The following ROBO1 variants were observed in gnomAD, a reference collection of about 807,000 sequenced individuals.
ROBO1 encodes roundabout homolog 1.
A neutral mutation model predicts 195.9 loss-of-function variants in ROBO1; 149 were observed. The observed-to-expected ratio is 0.76, with a 90% CI of 0.67 to 0.87. ROBO1 has a LOEUF of 0.87. ROBO1 is among the 40% of genes least tolerant of loss of function. The pLI is 0.00. For synonymous variants in ROBO1, 816 were observed against 733.2 expected, an observed-to-expected ratio of 1.11 and a Z score of -1.82; for missense variants, 1,933 against 2,068.3, an observed-to-expected ratio of 0.93 and a Z score of 1.27.
chr3:79,477,584 A>C (rs774224111), intron 2 of ROBO1, among the ~76,000 whole-genome samples: 2 of 152,202 alleles, frequency 1.3e-5, no homozygotes, highest in Non-Finnish European at 2.9e-5. Context: ...CAAGTGGGAA[A>C]GTGCACAAAG....
At chr3:79,700,476 T>C (rs1020132593) in intron 1 of ROBO1, among the ~76,000 whole-genome samples, 3 of 151,852 alleles carry the variant, frequency 2.0e-5, no homozygotes, top group Non-Finnish European at 4.4e-5. Context: ...GCTGAACTAA[T>C]AATTTACATT....
chr3:79,370,911 CCACTTATGAGTGAGAA>C (rs1432526354), intron 2 of ROBO1, among the ~76,000 whole-genome samples: 1 of 151,906 alleles, frequency 6.6e-6, no homozygotes, highest in Non-Finnish European at 1.5e-5. Flanking sequence ...TGTTCAACTC[CCACTTATGAGTGAGAA>C]CATGTGGTGT....
intron 2 of ROBO1, among the ~76,000 whole-genome samples, chr3:79,348,210 C>CAAA (rs71127380): frequency 6.9e-5 from 5 of 72,924 alleles, no homozygotes; most frequent in African/African-American, 1.9e-4. Context: ...GACTCCATCT[C>CAAA]AAAAAAAAAA....
chr3:79,046,894 A>G (rs6548609), intron 3 of ROBO1, among the ~76,000 whole-genome samples: 149,856 of 152,258 alleles, frequency 0.98, 73,802 homozygotes, highest in Middle Eastern at 1. Context: ...TCTTTGAGAT[A>G]ATGTTTGTTA....
intron 3 of ROBO1, among the ~76,000 whole-genome samples, chr3:79,085,829 T>A (rs185662425): frequency 6.6e-6 from 1 of 152,280 alleles, no homozygotes; most frequent in East Asian, 1.9e-4. Flanking sequence ...TAGTCTAGCC[T>A]CAGGACGTAA....
Position 79,561,109 on chromosome 3 carries a change from T to A in ROBO1, c.88+28715A>T, listed in dbSNP as rs545907886. Reference sequence around the variant, plus strand: ...GCTACTGTCACCACCAGAAAAAAAATATATGACCTTCTTTCCATCCATTCC... The same window carrying A: ...GCTACTGTCACCACCAGAAAAAAAAAATATGACCTTCTTTCCATCCATTCC... On this transcript the variant is annotated intron_variant, in intron 2 of 30. Transcript: ENST00000464233. Among the ~76,000 whole-genome samples, 18 of 151,822 alleles carry A rather than the reference T, an allele frequency of 1.2e-4. No homozygotes were observed. In the South Asian group the frequency reaches 1.9e-3, roughly 16 times the overall value.
chr3:79,330,887 T>G (rs999270130), intron 2 of ROBO1, among the ~76,000 whole-genome samples: 3 of 152,150 alleles, frequency 2.0e-5, no homozygotes, highest in Non-Finnish European at 4.4e-5. Context: ...AGGTCTGCAT[T>G]TGTGAAATAA....
intron 2 of ROBO1, among the ~76,000 whole-genome samples, chr3:79,301,871 C>T: frequency 6.6e-6 from 1 of 152,092 alleles, no homozygotes; most frequent in East Asian, 1.9e-4. Context: ...TTTCTGACCT[C>T]ATAAAATCAA....
At chr3:78,645,974 T>C (rs1342687052) in intron 21 of ROBO1, among the ~76,000 whole-genome samples, 174 bp downstream of exon 21, 1 of 152,042 alleles carries the variant, frequency 6.6e-6, no homozygotes, top group Middle Eastern at 3.2e-3. Context: ...ATCAACTACA[T>C]TTGTGTGTAA....
intron 23 of ROBO1, among the ~76,000 whole-genome samples, chr3:78,634,989 G>A (rs1705407554): frequency 6.6e-6 from 1 of 152,046 alleles, no homozygotes; most frequent in Non-Finnish European, 1.5e-5. Flanking sequence ...AATAGGTGGG[G>A]ATGCATTGCC....
chr3:78,965,659 G>T (rs1027144076), intron 3 of ROBO1, among the ~76,000 whole-genome samples: 2 of 151,296 alleles, frequency 1.3e-5, no homozygotes, highest in Admixed American at 6.6e-5. Context: ...TATTTAATCA[G>T]AAGCATTTTT....
intron 4 of ROBO1, among the ~76,000 whole-genome samples, chr3:78,900,364 A>T (rs2107465261): frequency 6.6e-6 from 1 of 152,288 alleles, no homozygotes; most frequent in Admixed American, 6.5e-5. Context: ...AAAGAATAGG[A>T]GAATAGATTC....
At chr3:78,693,560 T>C (rs919791229) in intron 8 of ROBO1, among the ~76,000 whole-genome samples, 7 of 152,164 alleles carry the variant, frequency 4.6e-5, no homozygotes, top group Non-Finnish European at 8.8e-5. Context: ...TTAAGAAAAA[T>C]AGAAATGAAG....
Position 78,598,688 on chromosome 3 carries a change from C to CCAA in ROBO1, c.*222_*224dup, listed in dbSNP as rs1407608165. 1 of 377,502 alleles carries CCAA rather than the reference C, an allele frequency of 2.6e-6. No individual in the cohort carries two copies. Among genetic ancestry groups the CCAA allele is most frequent in the African/African-American group, 2.1e-5 (1 of 48,028 alleles). The allele number at this position is 377,502 out of a possible 1,614,324, so 23.4% of individuals were successfully genotyped here. On this transcript the variant is annotated 3_prime_UTR_variant, in exon 31 of 31. Transcript: ENST00000464233. Reference sequence around the variant, plus strand: ...TGGAAGTAAGGTATAATGGTTTGCTCCAACAGCGAGGGGAATAGGAAGGCT... The same window carrying CCAA: ...TGGAAGTAAGGTATAATGGTTTGCTCCAACAACAGCGAGGGGAATAGGAAGGCT...
At chr3:79,021,730 G>A (rs893333543) in intron 3 of ROBO1, among the ~76,000 whole-genome samples, 3 of 143,784 alleles carry the variant, frequency 2.1e-5, no homozygotes, top group Non-Finnish European at 4.5e-5. Context: ...GCGCGATCTC[G>A]GCTCACTGCA....
chr3:78,712,949 T>C (rs1199793771), intron 8 of ROBO1, among the ~76,000 whole-genome samples: 4 of 152,198 alleles, frequency 2.6e-5, no homozygotes, highest in Non-Finnish European at 5.9e-5. Context: ...GTCAACCTCC[T>C]TATCACAATT....
At chr3:78,607,481 A>G (rs766671916) in intron 28 of ROBO1, among the ~76,000 whole-genome samples, 3 of 152,170 alleles carry the variant, frequency 2.0e-5, no homozygotes, top group Non-Finnish European at 2.9e-5. Context: ...CTAAAGTGCT[A>G]GAACTACAGG....
intron 4 of ROBO1, among the ~76,000 whole-genome samples, chr3:78,895,237 G>A (rs1051336848): frequency 6.6e-6 from 1 of 152,106 alleles, no homozygotes; most frequent in Non-Finnish European, 1.5e-5. Context: ...CCAGGCTTTC[G>A]TTGAAGACCA....
intron 2 of ROBO1, among the ~76,000 whole-genome samples, chr3:79,276,136 T>C (rs1267302064): frequency 6.6e-6 from 1 of 152,022 alleles, no homozygotes; most frequent in Non-Finnish European, 1.5e-5. Flanking sequence ...AAAATTTATA[T>C]GGAACCACAA....
Sources: gnomAD v4.1 joint callset for allele counts (sites outside exome capture counted in the v4.1 genomes callset) on GRCh38, gnomAD v4.1.1 for gene constraint, MANE v1.5 for transcripts, NCBI Gene and HGNC (gene_info 2026-07-23, HGNC 2026-07-21) for gene names.